RANBP17: variants seen among roughly 807,000 people sequenced by gnomAD.
RANBP17 encodes RAN binding protein 17.
A neutral mutation model predicts 141.2 loss-of-function variants in RANBP17; 158 were observed. The ratio of observed to expected loss-of-function variants is 1.12; its 90% confidence interval spans 0.98 to 1.28. RANBP17 has a LOEUF of 1.28. Ranked by LOEUF, RANBP17 falls within the 50% of genes most tolerant of loss-of-function variation. The pLI is 0.00. For missense variants in RANBP17, 1,438 were observed against 1,290.7 expected (o/e 1.11, Z -1.75); for synonymous variants, 430 against 450.0 (o/e 0.96, Z 0.56).
chr5:170,938,013 C>G (rs1774023974), intron 12 of RANBP17, among the ~76,000 whole-genome samples: 1 of 152,020 alleles, frequency 6.6e-6, no homozygotes, highest in African/African-American at 2.4e-5. Flanking sequence ...TATTTTTCTT[C>G]CCACTCCTCT....
At chr5:170,870,063 A>G (rs1255066871) in intron 1 of RANBP17, among the ~76,000 whole-genome samples, 4 of 152,162 alleles carry the variant, frequency 2.6e-5, no homozygotes, top group East Asian at 3.9e-4. Context: ...AGATGAATGC[A>G]TGCCAGCAGG....
In RANBP17 at chr5:170,981,551, C is replaced by T. The variant is rs1444499628; in HGVS notation, c.1710+13174C>T. ...GTTATTAAAAGGGGGAGTTTTCCTG[C>T]ACAGGCTCTCATTTTTTTTTTTGCC... On this transcript the variant is annotated intron_variant, in intron 14 of 27. Coordinates refer to ENST00000523189, the MANE Select transcript of RANBP17 (RefSeq NM_022897.5). 6.6e-5 allele frequency among the ~76,000 whole-genome samples: 10 copies of T among 151,686 alleles called. No individual in the cohort carries two copies. The South Asian group carries it at 1.9e-3, about 29-fold the overall frequency.
intron 3 of RANBP17, among the ~76,000 whole-genome samples, chr5:170,885,168 GTA>G (rs981919833): frequency 2.6e-5 from 4 of 152,102 alleles, no homozygotes; most frequent in African/African-American, 9.7e-5. Flanking sequence ...TTTAGCTATA[GTA>G]TACAGTAGGT....
At chr5:171,146,900 C>G (rs1005073407) in intron 14 of RANBP17, among the ~76,000 whole-genome samples, 1 of 152,224 alleles carries the variant, frequency 6.6e-6, no homozygotes, top group Admixed American at 6.5e-5. Context: ...TAAATTCTAA[C>G]TCTACCACTT....
chr5:171,114,357 G>A (rs1277577572), intron 14 of RANBP17, among the ~76,000 whole-genome samples: 1 of 152,074 alleles, frequency 6.6e-6, no homozygotes, highest in Admixed American at 6.6e-5. Flanking sequence ...ATTGTTAGCA[G>A]TAATACTTGA....
At chr5:170,925,460 C>T (rs1006677718) in intron 12 of RANBP17, among the ~76,000 whole-genome samples, 1 of 151,930 alleles carries the variant, frequency 6.6e-6, no homozygotes, top group African/African-American at 2.4e-5. Flanking sequence ...CATTTAGTCT[C>T]TTCATTATTG....
chr5:171,028,831 C>A, intron 14 of RANBP17: 1 of 1,025,312 alleles, frequency 9.8e-7, no homozygotes, highest in Non-Finnish European at 1.3e-6. Flanking sequence ...TCATCCACTG[C>A]CACTGTACCT....
In RANBP17 at chr5:171,183,342, T is replaced by A. The variant is rs766523224; in HGVS notation, c.1950T>A (p.Leu650=). 1.2e-6 allele frequency: 2 copies of A among 1,613,878 alleles called. No homozygotes were observed. The highest frequency in any genetic ancestry group is 4.5e-5 in the East Asian group (2 of 44,864). ...KNHTSEHFPF[L]GISDNHSLSD... ...ATTAGAGTGAACACTTCCCTTTTCT[T>A]GGCATCAGTGACAATCATAGTCTCA... Residue 650 remains leucine, a synonymous_variant, in exon 18 of 28, where the codon CTT becomes CTA. Coordinates refer to ENST00000523189, the MANE Select transcript of RANBP17 (RefSeq NM_022897.5).
intron 18 of RANBP17, among the ~76,000 whole-genome samples, chr5:171,189,722 GT>G (rs1226341284): frequency 2.0e-5 from 3 of 152,146 alleles, no homozygotes; most frequent in African/African-American, 7.2e-5. Context: ...TGTTCAGAGT[GT>G]TATTACTTTA....
rs1053328028 is a variant in RANBP17, at chr5:171,209,184, A to G, written c.2231+3572A>G. On this transcript the variant is annotated intron_variant, in intron 20 of 27. Transcript: ENST00000523189. The stretch of plus-strand genomic sequence containing the variant: ...TTAACCAAATAAGTAGGATTGGACC[A>G]TATGGAAATAGGAAGAAATACAGGT... Among the ~76,000 whole-genome samples the G allele has an allele frequency of 3.9e-5, 6 of 152,322 alleles. No homozygotes were observed. In the South Asian group the frequency reaches 1.2e-3, roughly 32 times the overall value.
intron 14 of RANBP17, among the ~76,000 whole-genome samples, chr5:171,061,767 A>G (rs1783878994): frequency 1.3e-5 from 2 of 152,290 alleles, no homozygotes; most frequent in African/African-American, 4.8e-5. Context: ...GTGGGGTGTT[A>G]AAATCTCCCA....
intron 21 of RANBP17, 105 bp from the exon 22 acceptor site, chr5:171,221,653 A>G (rs1288157224): frequency 1.4e-6 from 1 of 694,496 alleles, no homozygotes; most frequent in Non-Finnish European, 2.5e-6. Context: ...TTTAAGAGAC[A>G]ATTGTACTGC....
chr5:171,024,208 G>A (rs1165751594), intron 14 of RANBP17, among the ~76,000 whole-genome samples: 1 of 152,144 alleles, frequency 6.6e-6, no homozygotes, highest in African/African-American at 2.4e-5. Context: ...TGTGAAGACA[G>A]TACTGCAGGG....
At chr5:171,005,399 T>C (rs1419923474) in intron 14 of RANBP17, among the ~76,000 whole-genome samples, 1 of 152,098 alleles carries the variant, frequency 6.6e-6, no homozygotes, top group Non-Finnish European at 1.5e-5. Flanking sequence ...AACAGAGATA[T>C]AGACCAATGG....
At chr5:171,168,993 C>G (rs1487325415) in intron 14 of RANBP17, among the ~76,000 whole-genome samples, 2 of 152,078 alleles carry the variant, frequency 1.3e-5, no homozygotes, top group East Asian at 3.9e-4. Flanking sequence ...GAGAAGGCTT[C>G]CAGACACAGG....
chr5:171,199,618 T>G, intron 18 of RANBP17, 52 bp from the exon 19 acceptor site: 1 of 1,116,750 alleles, frequency 9.0e-7, no homozygotes, highest in South Asian at 1.4e-5. Context: ...CTGAGGACAA[T>G]GTACAATTCT....
chr5:170,876,035 T>C (rs1051905114), intron 1 of RANBP17, among the ~76,000 whole-genome samples: 1 of 152,190 alleles, frequency 6.6e-6, no homozygotes, highest in Non-Finnish European at 1.5e-5. Flanking sequence ...GAGAGTTCAC[T>C]TCAGGCCTTG....
intron 18 of RANBP17, among the ~76,000 whole-genome samples, chr5:171,198,891 G>A (rs1762133751): frequency 6.6e-6 from 1 of 152,170 alleles, no homozygotes; most frequent in Non-Finnish European, 1.5e-5. Context: ...TAGGATGAAT[G>A]AGTGAATTCA....
At chr5:170,920,306 C>G (rs1003612563) in intron 11 of RANBP17, among the ~76,000 whole-genome samples, 1 of 152,256 alleles carries the variant, frequency 6.6e-6, no homozygotes, top group East Asian at 1.9e-4. Context: ...CTCAATTGCT[C>G]TGTGTTCTCA....
Sources: allele counts gnomAD v4.1 joint callset (sites outside exome capture counted in the v4.1 genomes callset), GRCh38; gene constraint gnomAD v4.1.1; transcripts MANE v1.5; gene names NCBI Gene and HGNC (gene_info 2026-07-23, HGNC 2026-07-21).